SCRIB: variants seen among roughly 807,000 people sequenced by gnomAD.
The protein encoded by SCRIB is scribble planar cell polarity protein, also known as protein scribble homolog.
In SCRIB, 72 loss-of-function variants were observed where a neutral mutation model predicts 170.0. That is an observed-to-expected ratio of 0.42 (90% CI 0.35 to 0.52). SCRIB has a LOEUF of 0.52. Among genes scored for constraint, SCRIB ranks in the 20% least tolerant of loss-of-function variants. The pLI is 0.02. For missense variants in SCRIB, 2,475 were observed against 2,338.5 expected (o/e 1.06, Z -1.20); for synonymous variants, 1,298 against 1,044.3 (o/e 1.24, Z -4.68).
At position 143,812,355 on chromosome 8, in the gene SCRIB, C is replaced by T. The variant is rs536968316; in HGVS notation, c.817G>A (p.Val273Ile). ...GQLKQLSILK[V>I]DQNRLCEVTE... ...ACCTCGCACAGCCGATTCTGGTCTA[C>T]CTTTAGGATGGATAGCTGCTTCAGC... The change falls in exon 9 of 37, where the codon GTA (valine) becomes ATA (isoleucine). Residue 273 changes from valine (V) to isoleucine (I), a missense_variant. This residue lies in a region of SCRIB where 487 missense variants were observed against 558.1 expected (regional missense o/e 0.87). Coordinates refer to ENST00000356994, the MANE Select transcript of SCRIB (RefSeq NM_182706.5). 7 of 1,613,698 alleles carry T rather than the reference C, an allele frequency of 4.3e-6. No individual in the cohort carries two copies. The South Asian group carries it at 4.4e-5, about 10-fold the overall frequency.
chr8:143,797,848 G>A (rs755929953), intron 24 of SCRIB, among the ~76,000 whole-genome samples: 12 of 152,388 alleles, frequency 7.9e-5, no homozygotes, highest in Non-Finnish European at 1.2e-4. Flanking sequence ...CTTCCACGAC[G>A]GAGCACGTCC....
chr8:143,805,543 G>A (rs1815387126), intron 18 of SCRIB, 108 bp from the exon 19 acceptor site: 1 of 1,145,906 alleles, frequency 8.7e-7, no homozygotes, highest in African/African-American at 1.6e-5. Context: ...GAGGCACAGG[G>A]CGAGGGGAAA....
rs757395744 is a variant in SCRIB, at chr8:143,792,522, C to T, written c.4291G>A (p.Glu1431Lys). The T allele has an allele frequency of 1.2e-5, 18 of 1,556,478 alleles. No individual in the cohort carries two copies. The highest frequency in any genetic ancestry group is 4.7e-5 in the East Asian group (2 of 42,742). Reference protein sequence around the residue: ...ETLGEEEQEDEQPPWASPSPT... With the variant: ...ETLGEEEQEDKQPPWASPSPT... ...CTCGGGCTGGCCCAGGGTGGCTGCT[C>T]ATCCTCCTGTTCCTCCTCGCCCAGC... Residue 1431 changes from glutamate (E) to lysine (K), a missense_variant, in exon 31 of 37, where the codon GAG becomes AAG. Transcript: ENST00000356994.
Position 143,792,069 on chromosome 8 carries a change from G to A in SCRIB, c.4579C>T (p.Arg1527Trp), listed in dbSNP as rs781988394. The A allele has an allele frequency of 1.2e-5, 19 of 1,593,698 alleles. No homozygotes were observed. The highest frequency in any genetic ancestry group is 1.0e-4 in the South Asian group (9 of 89,800). ...CGCTCCAGGGGCCCCCGCGTGCCCC[G>A]GCCTTCCTGGGACCTGCTGAGGACC... ...QMVLSRSQEG[R>W]GTRGPLERLA... Residue 1527 changes from arginine to tryptophan, a missense_variant, in exon 33 of 37, where the codon CGG (arginine) becomes TGG (tryptophan). Transcript: ENST00000356994.
rs782092846 is a variant in SCRIB, at chr8:143,792,408, G to A, written c.4329-3C>T. ...GTGGGGGGGACGCCGGGCTCTGCCT[G>A]GGGAAGGGACAGGACGTGCTGTGGG... On this transcript the variant is annotated splice_polypyrimidine_tract_variant and splice_region_variant and intron_variant, in intron 31 of 36. Transcript: ENST00000356994. The A allele has an allele frequency of 6.7e-7, 1 of 1,503,080 alleles. No individual in the cohort carries two copies. The highest frequency in any genetic ancestry group is 2.0e-4 in the Middle Eastern group (1 of 5,004). The allele number at this position is 1,503,080 out of a possible 1,614,324, so 93.1% of individuals were successfully genotyped here. A position where few individuals can be genotyped will look rare whatever the true frequency, so the allele number is the denominator to read the frequency against.
rs782140486 is a variant in SCRIB at position 143,804,769 on chromosome 8, G to A, written c.2808C>T (p.Thr936=). 2.4e-5 allele frequency: 39 copies of A among 1,603,530 alleles called. No homozygotes were observed. Among genetic ancestry groups the A allele is most frequent in the Admixed American group, 6.8e-5 (4 of 59,060 alleles). Residue 936 remains threonine (T), a synonymous_variant, in exon 21 of 37, where the codon ACC becomes ACT. Transcript: ENST00000356994. The stretch of plus-strand genomic sequence containing the variant: ...GCAGGGCGATGGTGGGGGAGGCAGC[G>A]GTCAGCAGGGAGACGGCGTGGTCAT... ...ARHDHAVSLL[T]AASPTIALLL... is the part of the protein sequence containing the mutation.
Position 143,803,546 on chromosome 8 carries a change from C to T in SCRIB, c.3440G>A (p.Arg1147His), listed in dbSNP as rs945404338. ...SKVSPTGAAG[R>H]DGRLRVGLRL... ...CAAACCCACACGCAGCCGACCGTCG[C>T]GCCCGGCTGCCCCCGTGGGGCTCAC... is the stretch of plus-strand genomic sequence containing the variant. The change falls in exon 24 of 37, where the codon CGC becomes CAC. Residue 1147 changes from arginine (R) to histidine (H), a missense_variant. Arg to His is a conservative substitution (Grantham distance 29). Coordinates refer to ENST00000356994, the MANE Select transcript of SCRIB (RefSeq NM_182706.5). 24 of 1,603,678 alleles carry T rather than the reference C, an allele frequency of 1.5e-5. No homozygotes were observed. The highest frequency in any genetic ancestry group is 4.4e-5 in the South Asian group (4 of 90,792).
intron 9 of SCRIB, among the ~76,000 whole-genome samples, chr8:143,812,009 C>A (rs753943754): frequency 6.6e-6 from 1 of 152,196 alleles, no homozygotes; most frequent in Non-Finnish European, 1.5e-5. Context: ...TAACCGCTCC[C>A]CAGTGTTACA....
rs551469022 is a variant in SCRIB at position 143,810,361 on chromosome 8, T to C, written c.1530+118A>G. 1.3e-4 allele frequency: 186 copies of C among 1,423,312 alleles called. No homozygotes were observed. In the African/African-American group the frequency reaches 2.5e-3, roughly 19 times the overall value. The allele number at this position is 1,423,312 out of a possible 1,614,324, so 88.2% of individuals were successfully genotyped here. A position where few individuals can be genotyped will look rare whatever the true frequency, so the allele number is the denominator to read the frequency against. ...ATGTCCCTGAAACCTGTCACCAGCC[T>C]CATCTCCTGCTCCTTCTCTGTGCTG... On this transcript the variant is annotated intron_variant, in intron 13 of 36. Transcript: ENST00000356994.
intron 14 of SCRIB, 63 bp from the exon 15 acceptor site, chr8:143,809,088 T>C (rs1048896598): frequency 1.3e-5 from 20 of 1,539,508 alleles, no homozygotes; most frequent in Non-Finnish European, 1.6e-5. Flanking sequence ...AGGAAGACCC[T>C]ACTAAACAGT....
rs777942309 is a variant in SCRIB, at chr8:143,813,857, G to A, written c.317C>T (p.Ala106Val). ...CCCGCTGAAGTCCGCGATCTCCAGA[G>A]CCTTGCAGAACTTGATGCTCTCCGG... ...EIPESIKFCK[A>V]LEIADFSGNP... The change falls in exon 3 of 37, where the codon GCT becomes GTT. Residue 106 changes from alanine (A) to valine (V), a missense_variant. Around this residue, in one of 3 missense-constraint regions of SCRIB, gnomAD observed 487 missense variants for 558.1 expected, o/e 0.87. Transcript: ENST00000356994. 28 of 1,609,878 alleles carry A rather than the reference G, an allele frequency of 1.7e-5. 1 individual carries two copies. In the South Asian group the frequency reaches 2.8e-4, roughly 16 times the overall value.
Position 143,808,822 on chromosome 8 carries a change from A to G in SCRIB, c.1902T>C (p.Pro634=). 1 of 1,611,778 alleles carries G rather than the reference A, an allele frequency of 6.2e-7. No individual in the cohort carries two copies. Among genetic ancestry groups the G allele is most frequent in the Non-Finnish European group, 8.5e-7 (1 of 1,179,696 alleles). The change falls in exon 15 of 37, where the codon CCT becomes CCC. Residue 634 remains proline, a synonymous_variant. Transcript: ENST00000356994. ...AVVALLQGMQ[P]DGEGPVAPGG... ...CGGGAGCCACAGGGCCCTCCCCATC[A>G]GGCTGCATGCCCTGCAGCAGAGCCA...
intron 27 of SCRIB, 70 bp from the exon 28 acceptor site, chr8:143,794,032 G>T: frequency 6.7e-7 from 1 of 1,485,414 alleles, no homozygotes; most frequent in Non-Finnish European, 9.3e-7. Context: ...GGGACTGGGG[G>T]CCCTGGGGCT....
At chr8:143,791,582 G>A (rs570105502) in intron 35 of SCRIB, 84 bp downstream of exon 35, 139 of 1,510,954 alleles carry the variant, frequency 9.2e-5, no homozygotes, top group South Asian at 7.8e-4. Flanking sequence ...ACGGCAGAGC[G>A]TGGGGAGGCC....
In SCRIB at chr8:143,803,923, C is replaced by G. The variant is rs1587526351; in HGVS notation, c.3138G>C (p.Leu1046=). Residue 1046 remains leucine (L), a synonymous_variant, in exon 23 of 37, where the codon CTG becomes CTC. Transcript: ENST00000356994. ...CAACCCGCAGGCCGCTGCGAGCGGC[C>G]AGGCCCCGCGGGAGCACCTGTCAGG... is the stretch of plus-strand genomic sequence containing the variant. ...VFISKVLPRG[L]AARSGLRVGD... 1 of 1,585,986 alleles carries G rather than the reference C, an allele frequency of 6.3e-7. No individual in the cohort carries two copies. The highest frequency in any genetic ancestry group is 1.1e-5 in the South Asian group (1 of 88,420).
chr8:143,810,611 T>C lies in SCRIB; in HGVS notation c.1405-7A>G, dbSNP rs776091146. On this transcript the variant is annotated splice_region_variant and splice_polypyrimidine_tract_variant and intron_variant, in intron 12 of 36. Coordinates refer to ENST00000356994, the MANE Select transcript of SCRIB (RefSeq NM_182706.5). The stretch of plus-strand genomic sequence containing the variant: ...TGGCCCGGCGCTGTAGGCCCTGTTG[T>C]AGGGACAAGGATGAGCAGCAGCCAC... 10 of 1,612,668 alleles carry C rather than the reference T, an allele frequency of 6.2e-6. No homozygotes were observed. The African/African-American group carries it at 1.2e-4, about 19-fold the overall frequency.
intron 24 of SCRIB, 111 bp from the exon 25 acceptor site, chr8:143,795,641 G>T: frequency 1.1e-6 from 1 of 929,790 alleles, no homozygotes; most frequent in Non-Finnish European, 1.7e-6. Context: ...CCCAGGAGCC[G>T]CGTCCCTGGG....
At chr8:143,803,156 C>A (rs1205047223) in intron 24 of SCRIB, among the ~76,000 whole-genome samples, 1 of 152,224 alleles carries the variant, frequency 6.6e-6, no homozygotes, top group Non-Finnish European at 1.5e-5. Context: ...CCTCGTCCTA[C>A]TTGGACTGGG....
intron 16 of SCRIB, 137 bp from the exon 17 acceptor site, chr8:143,807,150 C>G: frequency 9.0e-6 from 6 of 669,040 alleles, no homozygotes; most frequent in Non-Finnish European, 1.6e-5. Flanking sequence ...TGCCACTCAC[C>G]AGCCAGGGCC....
Sources: gnomAD v4.1 joint callset for allele counts (sites outside exome capture counted in the v4.1 genomes callset) on GRCh38, gnomAD v4.1.1 for gene constraint, gnomAD v4.1.1 regional missense constraint, MANE v1.5 for transcripts, NCBI Gene and HGNC (gene_info 2026-07-23, HGNC 2026-07-21) for gene names.